Variants in PTPN2 observed in about 807,000 individuals in gnomAD.
PTPN2 encodes the protein protein tyrosine phosphatase non-receptor type 2, also known as tyrosine-protein phosphatase non-receptor type 2.
PTPN2 carries 19 observed loss-of-function variants against 57.3 expected under a neutral mutation model. That is an observed-to-expected ratio of 0.33 (90% CI 0.23 to 0.49). The LOEUF is 0.49. PTPN2 is among the 20% of genes least tolerant of loss of function. The pLI is 0.99. For synonymous variants in PTPN2, 153 were observed against 164.9 expected, an observed-to-expected ratio of 0.93 and a Z score of 0.55; for missense variants, 358 against 501.1, an observed-to-expected ratio of 0.71 and a Z score of 2.73.
At chr18:12,872,438 A>G (rs1356393819) in intron 1 of PTPN2, among the ~76,000 whole-genome samples, 1 of 152,256 alleles carries the variant, frequency 6.6e-6, no homozygotes, top group African/African-American at 2.4e-5. Flanking sequence ...AGCAAACGGC[A>G]TATTAAATCA....
rs2043473080 is a variant in PTPN2, at chr18:12,853,643, T to A, written c.160+5521A>T. On this transcript the variant is annotated intron_variant, in intron 2 of 8. Coordinates refer to ENST00000309660, the MANE Select transcript of PTPN2 (RefSeq NM_002828.4). Reference sequence around the variant, plus strand: ...GAAGGAGAACTTTGATTGAGATGGGTCAGAGAGAGGAGGGGAAGAATATTT... The same window carrying A: ...GAAGGAGAACTTTGATTGAGATGGGACAGAGAGAGGAGGGGAAGAATATTT... 3.3e-5 allele frequency among the ~76,000 whole-genome samples: 5 copies of A among 152,224 alleles called. No individual in the cohort carries two copies. In the South Asian group the frequency reaches 8.3e-4, roughly 25 times the overall value.
chr18:12,816,596 T>C (rs2145313847), intron 6 of PTPN2, among the ~76,000 whole-genome samples: 1 of 152,298 alleles, frequency 6.6e-6, no homozygotes, highest in East Asian at 1.9e-4. Flanking sequence ...CTAGGCTGTA[T>C]ACAGGCTGGG....
chr18:12,846,193 A>G (rs990292408), intron 2 of PTPN2, among the ~76,000 whole-genome samples: 2 of 152,294 alleles, frequency 1.3e-5, no homozygotes, highest in South Asian at 2.1e-4. Context: ...ACTGGTCATG[A>G]CCACATATTT....
chr18:12,879,908 A>C lies in PTPN2; in HGVS notation c.69+4165T>G, dbSNP rs767859776. Among the ~76,000 whole-genome samples, 6 of 152,384 alleles carry C rather than the reference A, an allele frequency of 3.9e-5. No individual in the cohort carries two copies. In the South Asian group the frequency reaches 6.2e-4, roughly 16 times the overall value. ...CAGAAACATCACCCACTGCTGTGCTAAACAAAGCAGAAAGCCACCTTAAAC... is the reference window on the plus strand; with the variant it reads ...CAGAAACATCACCCACTGCTGTGCTCAACAAAGCAGAAAGCCACCTTAAAC... On this transcript the variant is annotated intron_variant, in intron 1 of 8. Coordinates refer to ENST00000309660, the MANE Select transcript of PTPN2 (RefSeq NM_002828.4).
In PTPN2 at chr18:12,802,004, T is replaced by C; in HGVS notation, c.1006A>G (p.Lys336Glu). The change falls in exon 8 of 9, where the codon AAA becomes GAA. Residue 336 changes from lysine to glutamate, a missense_variant. By Grantham distance (56) the Lys-to-Glu change is moderately conservative. Transcript: ENST00000309660. Reference protein sequence around the residue: ...TGDRCTGLSSKMQDTMEENSE... With the variant: ...TGDRCTGLSSEMQDTMEENSE... ...TTCTCCTCCATTGTATCTTGCATTTTAGAGGAAAGTCCTGTACATCGGTCA... is the reference window on the plus strand; with the variant it reads ...TTCTCCTCCATTGTATCTTGCATTTCAGAGGAAAGTCCTGTACATCGGTCA... The C allele has an allele frequency of 6.2e-7, 1 of 1,609,690 alleles. No homozygotes were observed. Among genetic ancestry groups the C allele is most frequent in the Non-Finnish European group, 8.5e-7 (1 of 1,178,500 alleles).
chr18:12,839,449 A>G (rs2042973338), intron 2 of PTPN2: 1 of 152,196 alleles, frequency 6.6e-6, no homozygotes, highest in Admixed American at 6.5e-5. Context: ...TAACAGCAGC[A>G]TCCCATAACC....
intron 2 of PTPN2, chr18:12,841,012 T>C (rs2043026278): frequency 2.1e-6 from 3 of 1,397,738 alleles, no homozygotes; most frequent in Non-Finnish European, 2.8e-6. Flanking sequence ...TTTTAACCTA[T>C]AGGGATCTAA....
chr18:12,858,573 T>G (rs1004444167), intron 2 of PTPN2, among the ~76,000 whole-genome samples: 1 of 152,072 alleles, frequency 6.6e-6, no homozygotes, highest in African/African-American at 2.4e-5. Flanking sequence ...AAAAAAAAGT[T>G]TACAATGTAC....
intron 1 of PTPN2, among the ~76,000 whole-genome samples, chr18:12,879,854 A>G (rs2044611876): frequency 6.6e-6 from 1 of 152,228 alleles, no homozygotes; most frequent in Non-Finnish European, 1.5e-5. Context: ...AGCATTACCA[A>G]AAAAAGCACA....
chr18:12,796,255 C>T (rs2041178887), intron 8 of PTPN2, among the ~76,000 whole-genome samples: 2 of 152,120 alleles, frequency 1.3e-5, no homozygotes, highest in Admixed American at 6.5e-5. Context: ...ATTTTTTAAA[C>T]AGCTACAGAA....
chr18:12,874,561 A>G (rs1407965435), intron 1 of PTPN2, among the ~76,000 whole-genome samples: 2 of 101,458 alleles, frequency 2.0e-5, no homozygotes, highest in East Asian at 7.5e-4. Flanking sequence ...CCGCCCGGCC[A>G]GCCGCCCCGT....
chr18:12,794,356 A>G lies in PTPN2; in HGVS notation c.1170T>C (p.Thr390=). The G allele has an allele frequency of 1.2e-6, 2 of 1,614,222 alleles. No individual in the cohort carries two copies. The highest frequency in any genetic ancestry group is 1.7e-6 in the Non-Finnish European group (2 of 1,180,032). The change falls in exon 9 of 9, where the codon ACT becomes ACC. Residue 390 remains threonine, a synonymous_variant. Coordinates refer to ENST00000309660, the MANE Select transcript of PTPN2 (RefSeq NM_002828.4). ...KRWLYWQPIL[T]KMGFMSVILV... is the part of the protein sequence containing the mutation. Reference sequence around the variant, plus strand: ...AAATGACTGACATAAACCCCATCTTAGTGAGAATAGGTTGCCAATATAACC... The same window carrying G: ...AAATGACTGACATAAACCCCATCTTGGTGAGAATAGGTTGCCAATATAACC...
chr18:12,873,463 T>A (rs934030205), intron 1 of PTPN2, among the ~76,000 whole-genome samples: 1 of 152,194 alleles, frequency 6.6e-6, no homozygotes, highest in African/African-American at 2.4e-5. Flanking sequence ...GGTTTTCGTA[T>A]TTTTTTGGGG....
chr18:12,826,919 T>C lies in PTPN2; in HGVS notation c.361-975A>G, dbSNP rs183707086. On this transcript the variant is annotated intron_variant, in intron 4 of 8. Transcript: ENST00000309660. ...TGTAACTTATAAACTAAAAAAGCCA[T>C]AGGTATCATATTCATAAAATAAAAA... is the stretch of plus-strand genomic sequence containing the variant. Among the ~76,000 whole-genome samples the C allele has an allele frequency of 6.8e-4, 103 of 152,250 alleles. 2 individuals carry two copies. The East Asian group carries it at 0.019, about 27-fold the overall frequency.
At chr18:12,811,601 T>C (rs2041891356) in intron 7 of PTPN2, among the ~76,000 whole-genome samples, 1 of 152,000 alleles carries the variant, frequency 6.6e-6, no homozygotes, top group Non-Finnish European at 1.5e-5. Context: ...GACAGACTCA[T>C]TCATGGCTAT....
intron 2 of PTPN2, among the ~76,000 whole-genome samples, chr18:12,858,267 G>A (rs536108755): frequency 1.3e-5 from 2 of 152,256 alleles, no homozygotes; most frequent in East Asian, 3.9e-4. Flanking sequence ...CCTACCAACA[G>A]GGAGCCCTAA....
downstream of PTPN2, among the ~76,000 whole-genome samples, chr18:12,790,440 T>C (rs2040955663): frequency 6.6e-6 from 1 of 152,202 alleles, no homozygotes; most frequent in African/African-American, 2.4e-5. Context: ...TGAGTTGCAG[T>C]TGCAGTCTTC....
chr18:12,824,360 C>T (rs911821123), intron 5 of PTPN2, among the ~76,000 whole-genome samples: 1 of 152,148 alleles, frequency 6.6e-6, no homozygotes, highest in African/African-American at 2.4e-5. Context: ...TGCACCTGTG[C>T]TTACTCAATG....
chr18:12,870,904 G>A (rs1463806677), intron 1 of PTPN2, among the ~76,000 whole-genome samples: 2 of 151,920 alleles, frequency 1.3e-5, no homozygotes, highest in Non-Finnish European at 2.9e-5. Flanking sequence ...AAATTAAACC[G>A]TACAAAAGGG....
Sources: allele counts gnomAD v4.1 joint callset (sites outside exome capture counted in the v4.1 genomes callset), GRCh38; gene constraint gnomAD v4.1.1; transcripts MANE v1.5; gene names NCBI Gene and HGNC (gene_info 2026-07-23, HGNC 2026-07-21).